MARK3: variants seen among roughly 807,000 people sequenced by gnomAD.
The protein encoded by MARK3 is MAP/microtubule affinity-regulating kinase 3.
MARK3 carries 46 observed loss-of-function variants against 90.1 expected under a neutral mutation model. The ratio of observed to expected loss-of-function variants is 0.51; its 90% CI spans 0.40 to 0.65. MARK3 has a LOEUF of 0.65. MARK3 is among the 30% of genes least tolerant of loss of function. The probability of loss-of-function intolerance (pLI) is 0.00; values close to 1 mark genes in which losing one functional copy is unlikely to be tolerated. For missense variants in MARK3, 818 were observed against 947.2 expected, an observed-to-expected ratio of 0.86 and a Z score of 1.79; for synonymous variants, 321 against 332.6, an observed-to-expected ratio of 0.97 and a Z score of 0.38.
chr14:103,438,788 T>A (rs2092778318), intron 3 of MARK3, among the ~76,000 whole-genome samples: 1 of 151,716 alleles, frequency 6.6e-6, no homozygotes, highest in South Asian at 2.1e-4. Flanking sequence ...AGCTCAGGAG[T>A]TCAAGACCAG....
intron 1 of MARK3, among the ~76,000 whole-genome samples, chr14:103,390,321 T>A (rs944288299): frequency 5.9e-5 from 9 of 152,210 alleles, no homozygotes; most frequent in African/African-American, 2.2e-4. Flanking sequence ...GTGAGGTTGC[T>A]GAGACTCAGA....
At chr14:103,443,754 A>C (rs2092921773) in intron 3 of MARK3, among the ~76,000 whole-genome samples, 1 of 152,216 alleles carries the variant, frequency 6.6e-6, no homozygotes, top group South Asian at 2.1e-4. Context: ...TCTGTATATT[A>C]AGAAGCAAAT....
chr14:103,435,087 G>A (rs12894275), intron 3 of MARK3, among the ~76,000 whole-genome samples: 43,468 of 152,078 alleles, frequency 0.29, 7,303 homozygotes, highest in Non-Finnish European at 0.36. Context: ...TAATTTGAAA[G>A]CAAGGAGAAC....
At chr14:103,407,013 T>G (rs1431125647) in intron 2 of MARK3, among the ~76,000 whole-genome samples, 2 of 152,018 alleles carry the variant, frequency 1.3e-5, no homozygotes, top group Non-Finnish European at 2.9e-5. Context: ...TTTTGTATTT[T>G]TAGTAGAGAC....
chr14:103,466,618 C>T (rs1406119868), intron 10 of MARK3, among the ~76,000 whole-genome samples, 176 bp downstream of exon 10: 1 of 152,208 alleles, frequency 6.6e-6, no homozygotes, highest in Non-Finnish European at 1.5e-5. Context: ...TATAATGGCA[C>T]CCAGTAACTC....
At chr14:103,470,455 A>ATTTTTTTTTGTTTTTTTTTTTTTTTTTT (rs2093604969) in intron 12 of MARK3, among the ~76,000 whole-genome samples, 1 of 55,050 alleles carries the variant, frequency 1.8e-5, no homozygotes, top group African/African-American at 5.6e-5. Context: ...AACTAAATCT[A>ATTTTTTTTTGTTTTTTTTTTTTTTTTTT]TTTTTTTTTT....
At chr14:103,443,791 A>C in intron 3 of MARK3, among the ~76,000 whole-genome samples, 1 of 152,014 alleles carries the variant, frequency 6.6e-6, no homozygotes. Flanking sequence ...ACACAAATGC[A>C]TTTTCTTGAA....
chr14:103,438,559 A>G (rs2092772989), intron 3 of MARK3, among the ~76,000 whole-genome samples: 4 of 152,220 alleles, frequency 2.6e-5, no homozygotes, highest in African/African-American at 9.6e-5. Context: ...TGATAAGTTA[A>G]TTTTGTTAGT....
At chr14:103,461,409 A>G (rs1190556613) in intron 6 of MARK3, among the ~76,000 whole-genome samples, 1 of 152,228 alleles carries the variant, frequency 6.6e-6, no homozygotes, top group Non-Finnish European at 1.5e-5. Context: ...CAGTAAAACA[A>G]TTGTTTAATC....
intron 6 of MARK3, among the ~76,000 whole-genome samples, chr14:103,461,222 A>G (rs541811271): frequency 5.3e-4 from 81 of 152,338 alleles, no homozygotes; most frequent in African/African-American, 1.8e-3. Context: ...CATGCAGAAT[A>G]CCAAAGAAAA....
chr14:103,452,616 C>T (rs546320652), intron 5 of MARK3, among the ~76,000 whole-genome samples: 21 of 150,656 alleles, frequency 1.4e-4, no homozygotes, highest in Non-Finnish European at 3.0e-4. Flanking sequence ...GGACTACAGG[C>T]GCCCGCTACT....
intron 3 of MARK3, among the ~76,000 whole-genome samples, chr14:103,443,529 G>GA (rs1012645754): frequency 6.6e-5 from 10 of 152,260 alleles, no homozygotes; most frequent in Admixed American, 6.5e-4. Context: ...AAAAGGAGGG[G>GA]AAAAGAGTCC....
rs116277932 is a variant in MARK3, at chr14:103,411,621, T to C, written c.243+6354T>C. Among the ~76,000 whole-genome samples, 414 of 152,188 alleles carry C rather than the reference T, an allele frequency of 2.7e-3. 3 individuals are homozygous for C. The highest frequency in any genetic ancestry group is 0.025 in the East Asian group (130 of 5,180). ...TCCCCTCCTGATGATTCTTTTTTTTTTCTCTCTCTCTTTTTTTGGTGAGAT... is the reference window on the plus strand; with the variant it reads ...TCCCCTCCTGATGATTCTTTTTTTTCTCTCTCTCTCTTTTTTTGGTGAGAT... On this transcript the variant is annotated intron_variant, in intron 2 of 17. Coordinates refer to ENST00000429436, the MANE Select transcript of MARK3 (RefSeq NM_001128918.3).
chr14:103,427,169 T>TC lies in MARK3; in HGVS notation c.244-1218_244-1217insC, dbSNP rs2092433561. Among the ~76,000 whole-genome samples, 4 of 151,306 alleles carry TC rather than the reference T, an allele frequency of 2.6e-5. No homozygotes were observed. In the South Asian group the frequency reaches 8.4e-4, roughly 32 times the overall value. On this transcript the variant is annotated intron_variant, in intron 2 of 17. Coordinates refer to ENST00000429436, the MANE Select transcript of MARK3 (RefSeq NM_001128918.3). ...TAGTTTGAAGCCCCAATTTTCTTTTTTTTTTTTCTTTTAAGTGAAAACAAG... is the reference window on the plus strand; with the variant it reads ...TAGTTTGAAGCCCCAATTTTCTTTTTCTTTTTTTCTTTTAAGTGAAAACAAG...
intron 2 of MARK3, among the ~76,000 whole-genome samples, chr14:103,410,343 C>G (rs1490998549): frequency 6.6e-6 from 1 of 152,148 alleles, no homozygotes; most frequent in Non-Finnish European, 1.5e-5. Flanking sequence ...ATCTGATTGC[C>G]TCTCCAGGGC....
At chr14:103,426,593 A>G (rs1446515018) in intron 2 of MARK3, among the ~76,000 whole-genome samples, 1 of 152,170 alleles carries the variant, frequency 6.6e-6, no homozygotes, top group African/African-American at 2.4e-5. Flanking sequence ...TTCCCTGGTC[A>G]TGGCAAAGCC....
At position 103,385,953 on chromosome 14, in the gene MARK3, G is replaced by A. The variant is rs1045364847; in HGVS notation, c.-77G>A. 8.2e-6 allele frequency: 10 copies of A among 1,226,266 alleles called. No individual in the cohort carries two copies. In the East Asian group the frequency reaches 2.3e-4, roughly 28 times the overall value. 76.0% of individuals were successfully genotyped at this position (1,226,266 alleles called of 1,614,324 possible). ...TTTTCGGAACTGCCGTGGACTCGAG[G>A]ACGCTGGTCGCCGGCCTCCTAGGGC... On this transcript the variant is annotated 5_prime_UTR_variant, in exon 1 of 18. Transcript: ENST00000429436.
intron 5 of MARK3, among the ~76,000 whole-genome samples, chr14:103,455,493 A>G (rs1277490859): frequency 1.3e-5 from 2 of 152,130 alleles, no homozygotes; most frequent in African/African-American, 4.8e-5. Context: ...TTGGGAGGCC[A>G]AGACGGGCAG....
intron 2 of MARK3, among the ~76,000 whole-genome samples, chr14:103,423,105 T>G (rs917938213): frequency 1.3e-5 from 2 of 151,804 alleles, no homozygotes; most frequent in Non-Finnish European, 2.9e-5. Flanking sequence ...AAATTACTGT[T>G]AAGTCCCCCA....
Sources: gnomAD v4.1 joint callset for allele counts (sites outside exome capture counted in the v4.1 genomes callset) on GRCh38, gnomAD v4.1.1 for gene constraint, MANE v1.5 for transcripts, NCBI Gene and HGNC (gene_info 2026-07-23, HGNC 2026-07-21) for gene names.